PTPRG: variants seen among roughly 807,000 people sequenced by gnomAD.
The protein encoded by PTPRG is protein tyrosine phosphatase receptor type G.
A neutral mutation model predicts 165.3 loss-of-function variants in PTPRG; 102 were observed. The observed-to-expected ratio is 0.62, with a 90% CI of 0.53 to 0.73. The LOEUF (loss-of-function observed/expected upper bound fraction) is 0.73. Among genes scored for constraint, PTPRG ranks in the 30% least tolerant of loss-of-function variants. The pLI, the probability that PTPRG is intolerant of heterozygous loss-of-function variation, is 0.00. For synonymous variants in PTPRG, 675 were observed against 669.5 expected (o/e 1.01, Z -0.13); for missense variants, 1,866 against 1,861.4 (o/e 1.00, Z -0.05).
At chr3:62,136,518 C>T (rs947087680) in intron 6 of PTPRG, among the ~76,000 whole-genome samples, 7 of 152,144 alleles carry the variant, frequency 4.6e-5, no homozygotes, top group African/African-American at 1.7e-4. Flanking sequence ...TGAGAAGAAG[C>T]TCCAAAGCAT....
chr3:61,882,272 G>T (rs922246035), intron 2 of PTPRG, among the ~76,000 whole-genome samples: 3 of 152,160 alleles, frequency 2.0e-5, no homozygotes, highest in African/African-American at 7.2e-5. Flanking sequence ...TTGGGAAGTT[G>T]TTTCCTCTGA....
chr3:61,751,196 C>G (rs1366288235), intron 2 of PTPRG: 1 of 152,164 alleles, frequency 6.6e-6, no homozygotes, highest in East Asian at 1.9e-4. Context: ...CACAGACATT[C>G]CTTAGCATTT....
chr3:62,035,102 C>A (rs1699899829), intron 4 of PTPRG, among the ~76,000 whole-genome samples: 1 of 152,086 alleles, frequency 6.6e-6, no homozygotes, highest in South Asian at 2.1e-4. Flanking sequence ...CAAAACCCTC[C>A]AGTAAATTTA....
At chr3:61,971,125 C>T (rs1223476442) in intron 2 of PTPRG, among the ~76,000 whole-genome samples, 1 of 152,094 alleles carries the variant, frequency 6.6e-6, no homozygotes. Flanking sequence ...CAATCTCAGC[C>T]AACTGCATCC....
At chr3:61,825,435 G>A (rs545044048) in intron 2 of PTPRG, among the ~76,000 whole-genome samples, 1 of 152,174 alleles carries the variant, frequency 6.6e-6, no homozygotes, top group Non-Finnish European at 1.5e-5. Context: ...ATAATACAAA[G>A]AGGGAAAAGT....
chr3:61,563,139 G>GGGGGCGGTTTCGGCGGCC (rs145650020), intron 1 of PTPRG, among the ~76,000 whole-genome samples: 2 of 150,902 alleles, frequency 1.3e-5, no homozygotes, highest in South Asian at 2.1e-4. Context: ...GGGAGGGGGC[G>GGGGGCGGTTTCGGCGGCC]GGGGCGGTTT....
Position 61,939,928 on chromosome 3 carries a change from C to CTTTTT in PTPRG, c.191-49665_191-49661dup, listed in dbSNP as rs561334410. On this transcript the variant is annotated intron_variant, in intron 2 of 29. Coordinates refer to ENST00000474889, the MANE Select transcript of PTPRG (RefSeq NM_002841.4). ...TGTCTTGGCTTCCTTACTGACTTGT[C>CTTTTT]TTTTTTTTTTTTTTTTTTTTTTTTT... Among the ~76,000 whole-genome samples the CTTTTT allele has an allele frequency of 3.1e-4, 12 of 39,140 alleles. 3 individuals carry two copies. Among genetic ancestry groups the CTTTTT allele is most frequent in the Non-Finnish European group, 4.6e-4 (10 of 21,766 alleles). The allele number at this position is 39,140 out of a possible 152,430, so 25.7% of individuals were successfully genotyped here.
At chr3:61,992,025 A>G (rs1332450000) in intron 3 of PTPRG, among the ~76,000 whole-genome samples, 2 of 152,218 alleles carry the variant, frequency 1.3e-5, no homozygotes, top group Non-Finnish European at 2.9e-5. Context: ...GAGCAAAGCT[A>G]TCCAAATACG....
chr3:61,939,901 C>G (rs2039571383), intron 2 of PTPRG, among the ~76,000 whole-genome samples: 1 of 133,686 alleles, frequency 7.5e-6, no homozygotes, highest in Admixed American at 7.8e-5. Flanking sequence ...TGGTGGGGTC[C>G]ATGTCTTGGC....
intron 1 of PTPRG, among the ~76,000 whole-genome samples, chr3:61,682,845 G>A (rs888075659): frequency 4.6e-5 from 7 of 152,184 alleles, no homozygotes; most frequent in Admixed American, 1.3e-4. Context: ...TAATTCCTAA[G>A]CAACGAAGAA....
intron 2 of PTPRG, among the ~76,000 whole-genome samples, chr3:61,874,163 C>CT (rs1325084419): frequency 6.6e-6 from 1 of 152,168 alleles, no homozygotes; most frequent in Non-Finnish European, 1.5e-5. Flanking sequence ...CTCACCTTAT[C>CT]TTTCCAGGTT....
At chr3:61,947,318 A>T (rs1484648199) in intron 2 of PTPRG, among the ~76,000 whole-genome samples, 2 of 152,236 alleles carry the variant, frequency 1.3e-5, no homozygotes, top group Non-Finnish European at 2.9e-5. Context: ...TACAATGTAA[A>T]GGATGGTACT....
chr3:62,257,376 T>C (rs1230654154), intron 16 of PTPRG, among the ~76,000 whole-genome samples: 2 of 152,136 alleles, frequency 1.3e-5, no homozygotes, highest in African/African-American at 4.8e-5. Flanking sequence ...AAAAACAAAA[T>C]TGTATTATGG....
At chr3:61,970,814 C>T (rs573507506) in intron 2 of PTPRG, among the ~76,000 whole-genome samples, 42 of 152,158 alleles carry the variant, frequency 2.8e-4, no homozygotes, top group African/African-American at 1.0e-3. Flanking sequence ...GAATTTGAAC[C>T]AAATGAGTTC....
intron 1 of PTPRG, among the ~76,000 whole-genome samples, chr3:61,639,961 T>C (rs948808775): frequency 1.3e-5 from 2 of 152,170 alleles, no homozygotes; most frequent in Non-Finnish European, 2.9e-5. Context: ...AAAGTGGGTG[T>C]CCCTGTCTTT....
At chr3:61,836,274 C>G (rs2036459515) in intron 2 of PTPRG, among the ~76,000 whole-genome samples, 1 of 152,092 alleles carries the variant, frequency 6.6e-6, no homozygotes, top group Non-Finnish European at 1.5e-5. Context: ...TCTGTTCATC[C>G]ACTACCCTCT....
intron 2 of PTPRG, among the ~76,000 whole-genome samples, chr3:61,877,731 A>G (rs2037781909): frequency 6.6e-6 from 1 of 152,222 alleles, no homozygotes; most frequent in Admixed American, 6.5e-5. Context: ...AAAAGGAGAA[A>G]ATGTAAAATG....
intron 2 of PTPRG, 114 bp downstream of exon 2, chr3:61,749,096 TC>T: frequency 1.1e-6 from 1 of 889,000 alleles, no homozygotes; most frequent in Non-Finnish European, 1.8e-6. Context: ...CTCAAATCTT[TC>T]GTAGTTCACT....
chr3:62,253,235 G>C (rs144487172), intron 15 of PTPRG, among the ~76,000 whole-genome samples: 3 of 152,232 alleles, frequency 2.0e-5, no homozygotes, highest in African/African-American at 4.8e-5. Context: ...TTTTGAACTA[G>C]AGTCCATGTT....
Sources: gnomAD v4.1 joint callset for allele counts (sites outside exome capture counted in the v4.1 genomes callset) on GRCh38, gnomAD v4.1.1 for gene constraint, MANE v1.5 for transcripts, NCBI Gene and HGNC (gene_info 2026-07-23, HGNC 2026-07-21) for gene names.